The following NT5C3A variants were observed in gnomAD, a reference collection of about 807,000 sequenced individuals.
NT5C3A encodes the protein cytosolic 5'-nucleotidase 3A.
In NT5C3A, 23 loss-of-function variants were observed where a neutral mutation model predicts 40.0. The observed-to-expected ratio is 0.58, with a 90% CI of 0.41 to 0.81. The LOEUF is 0.81. Ranked by LOEUF, NT5C3A falls within the 40% of genes least tolerant of loss-of-function variation. The probability of loss-of-function intolerance (pLI) is 0.00; values close to 1 mark genes in which losing one functional copy is unlikely to be tolerated. For synonymous variants in NT5C3A, 130 were observed against 141.4 expected (o/e 0.92, Z 0.57); for missense variants, 328 against 403.0 (o/e 0.81, Z 1.59).
intron 8 of NT5C3A, among the ~76,000 whole-genome samples, chr7:33,015,407 T>A (rs1186858069): frequency 6.6e-6 from 1 of 151,922 alleles, no homozygotes; most frequent in Non-Finnish European, 1.5e-5. Flanking sequence ...TAAAAAAAAT[T>A]TAAAAATCAG....
chr7:33,017,674 G>A, intron 6 of NT5C3A, 73 bp from the exon 7 acceptor site: 2 of 1,177,604 alleles, frequency 1.7e-6, no homozygotes, highest in Non-Finnish European at 2.6e-6. Flanking sequence ...AGCTAAAAAA[G>A]TGAAATATTC....
chr7:33,014,881 A>C, intron 8 of NT5C3A, 50 bp from the exon 9 acceptor site: 1 of 1,482,670 alleles, frequency 6.7e-7, no homozygotes, highest in Non-Finnish European at 9.4e-7. Flanking sequence ...CAAAGAAACA[A>C]ATAATTTCAG....
intron 5 of NT5C3A, 49 bp downstream of exon 5, chr7:33,021,220 GTGT>G (rs1785608488): frequency 6.2e-7 from 1 of 1,605,626 alleles, no homozygotes; most frequent in East Asian, 2.2e-5. Flanking sequence ...TGTAACTGCA[GTGT>G]TGTTTTATTA....
intron 1 of NT5C3A, chr7:33,036,196 A>G: frequency 1.8e-6 from 1 of 571,298 alleles, no homozygotes; most frequent in East Asian, 3.1e-5. Context: ...TGGATAATCC[A>G]TTCAAGGAAG....
intron 1 of NT5C3A, among the ~76,000 whole-genome samples, chr7:33,053,120 G>C (rs1787436488): frequency 1.3e-5 from 2 of 152,154 alleles, no homozygotes; most frequent in Admixed American, 1.3e-4. Context: ...TGGTAACCGA[G>C]GTGAAGAAAG....
rs1786554574 is a variant in NT5C3A, at chr7:33,035,590, A to T, written c.139-8675T>A. Among the ~76,000 whole-genome samples the T allele has an allele frequency of 3.3e-5, 5 of 152,158 alleles. No homozygotes were observed. In the South Asian group the frequency reaches 1.0e-3, roughly 31 times the overall value. On this transcript the variant is annotated intron_variant, in intron 1 of 8. Transcript: ENST00000610140. ...TTGTCATGCAAGTAAGTATTTTAAA[A>T]ATTTCTGAATGCTTGTCATTTAAAT... is the stretch of plus-strand genomic sequence containing the variant.
At chr7:33,034,113 G>A (rs911487298) in intron 1 of NT5C3A, among the ~76,000 whole-genome samples, 14 of 151,806 alleles carry the variant, frequency 9.2e-5, no homozygotes, top group African/African-American at 2.2e-4. Flanking sequence ...GGATGGTCTC[G>A]ATCTCCTGAC....
chr7:33,028,142 A>G (rs547057329), intron 1 of NT5C3A, among the ~76,000 whole-genome samples: 16 of 152,344 alleles, frequency 1.1e-4, no homozygotes, highest in Non-Finnish European at 1.5e-4. Context: ...TCAAATGGAG[A>G]TAACTGCCAA....
At chr7:33,029,633 G>A (rs753442199) in intron 1 of NT5C3A, 1 of 1,288,376 alleles carries the variant, frequency 7.8e-7, no homozygotes, top group South Asian at 1.2e-5. Flanking sequence ...TCTTACCTCA[G>A]GCAAATCACA....
intron 1 of NT5C3A, among the ~76,000 whole-genome samples, chr7:33,039,555 G>GTTTTTTT (rs776873396): frequency 0.42 from 28,625 of 67,944 alleles, 7,043 homozygotes; most frequent in Non-Finnish European, 0.49. Context: ...TTAAGCTTGG[G>GTTTTTTT]TTTTTTGTTT....
intron 7 of NT5C3A, chr7:33,017,198 A>G (rs1039038123): frequency 5.9e-5 from 29 of 492,416 alleles, no homozygotes; most frequent in South Asian, 1.3e-4. Flanking sequence ...AAAAAAAAAA[A>G]AAGAAGAAGT....
chr7:33,062,373 C>A (rs373917887), intron 1 of NT5C3A, among the ~76,000 whole-genome samples, 195 bp downstream of exon 1: 5 of 152,364 alleles, frequency 3.3e-5, no homozygotes, highest in African/African-American at 2.4e-5. Flanking sequence ...GGTCACCAAG[C>A]CCGCGGAGTG....
intron 1 of NT5C3A, among the ~76,000 whole-genome samples, chr7:33,040,563 A>C (rs1786863403): frequency 2.6e-5 from 4 of 152,324 alleles, no homozygotes; most frequent in Admixed American, 2.0e-4. Context: ...TGAATCTTAG[A>C]GTGTTTCCCC....
chr7:33,015,651 TAC>T lies in NT5C3A; in HGVS notation c.894+17_894+18del. 5.3e-6 allele frequency: 8 copies of T among 1,518,252 alleles called. No individual in the cohort carries two copies. Among genetic ancestry groups the T allele is most frequent in the Non-Finnish European group, 7.3e-6 (8 of 1,097,186 alleles). 94.0% of individuals were successfully genotyped at this position (1,518,252 alleles called of 1,614,324 possible). On this transcript the variant is annotated intron_variant, in intron 8 of 8. Transcript: ENST00000610140. Reference sequence around the variant, plus strand: ...TCCTAATATTTTCTTCGAAAAAAATTACAGATTTGTATACTTACTCTATCATT... The same window carrying T: ...TCCTAATATTTTCTTCGAAAAAAATTAGATTTGTATACTTACTCTATCATT...
intron 1 of NT5C3A, among the ~76,000 whole-genome samples, chr7:33,039,630 T>C (rs957432494): frequency 2.1e-5 from 3 of 140,354 alleles, no homozygotes; most frequent in Non-Finnish European, 3.1e-5. Context: ...TGTAACTTCA[T>C]CTTTTCTGTA....
intron 2 of NT5C3A, among the ~76,000 whole-genome samples, chr7:33,024,755 C>A (rs772609568): frequency 6.6e-6 from 1 of 152,050 alleles, no homozygotes; most frequent in Non-Finnish European, 1.5e-5. Flanking sequence ...TCCTAATTAC[C>A]CTGATTTGAT....
chr7:33,055,234 A>G (rs1427076527), intron 1 of NT5C3A, among the ~76,000 whole-genome samples: 1 of 151,948 alleles, frequency 6.6e-6, no homozygotes, highest in African/African-American at 2.4e-5. Flanking sequence ...CTGAGGCATG[A>G]GAATTGCTTG....
At chr7:33,046,970 CTTT>C (rs35818020) in intron 1 of NT5C3A, among the ~76,000 whole-genome samples, 6 of 136,998 alleles carry the variant, frequency 4.4e-5, no homozygotes, top group African/African-American at 1.4e-4. Flanking sequence ...CACCTGGCTT[CTTT>C]TTTTTTTTTT....
chr7:33,041,328 ATT>A (rs1583948963), intron 1 of NT5C3A, among the ~76,000 whole-genome samples: 2 of 152,178 alleles, frequency 1.3e-5, no homozygotes, highest in African/African-American at 4.8e-5. Flanking sequence ...AGGATGGGGA[ATT>A]ATTGCTCAAT....
Sources: gnomAD v4.1 joint callset for allele counts (sites outside exome capture counted in the v4.1 genomes callset) on GRCh38, gnomAD v4.1.1 for gene constraint, MANE v1.5 for transcripts, NCBI Gene and HGNC (gene_info 2026-07-23, HGNC 2026-07-21) for gene names.